The following TP63 variants were observed in gnomAD, a reference collection of about 807,000 sequenced individuals.
TP63 encodes tumor protein 63.
A neutral mutation model predicts 82.8 loss-of-function variants in TP63; 17 were observed. The observed-to-expected ratio is 0.21, with a 90% confidence interval of 0.14 to 0.31. The LOEUF (loss-of-function observed/expected upper bound fraction) is 0.31. TP63 is among the 10% of genes least tolerant of loss of function. The pLI is 1.00. For synonymous variants in TP63, 330 were observed against 321.7 expected (o/e 1.03, Z -0.28); for missense variants, 648 against 895.3 (o/e 0.72, Z 3.52).
intron 3 of TP63, among the ~76,000 whole-genome samples, chr3:189,769,152 GT>G (rs1576913270): frequency 6.6e-6 from 1 of 152,212 alleles, no homozygotes; most frequent in East Asian, 1.9e-4. Context: ...CTTAAAAAGT[GT>G]TTAACAAATG....
intron 1 of TP63, among the ~76,000 whole-genome samples, chr3:189,655,276 C>T (rs1436561419): frequency 6.6e-6 from 1 of 152,086 alleles, no homozygotes; most frequent in Non-Finnish European, 1.5e-5. Context: ...CTGGACAAAT[C>T]AATAACTTTT....
At chr3:189,618,442 C>A in the TP63 span, among the ~76,000 whole-genome samples, 1 of 152,168 alleles carries the variant, frequency 6.6e-6, no homozygotes, top group Non-Finnish European at 1.5e-5. Flanking sequence ...ATGCCATATT[C>A]TATCAACCAT....
At chr3:189,850,116 T>A (rs1487593807) in intron 4 of TP63, among the ~76,000 whole-genome samples, 2 of 152,108 alleles carry the variant, frequency 1.3e-5, no homozygotes, top group Admixed American at 1.3e-4. Context: ...ACGCTGTCTC[T>A]ACTAAAAATA....
At chr3:189,861,441 A>C (rs1717027159) in intron 4 of TP63, among the ~76,000 whole-genome samples, 1 of 143,662 alleles carries the variant, frequency 7.0e-6, no homozygotes, top group African/African-American at 2.6e-5. Context: ...GTGGGGGTGG[A>C]GGGGTAGGGG....
At chr3:189,672,273 T>C (rs905479610) in intron 1 of TP63, among the ~76,000 whole-genome samples, 12 of 151,982 alleles carry the variant, frequency 7.9e-5, no homozygotes, top group Non-Finnish European at 1.8e-4. Context: ...GGAAAAAAAG[T>C]TTTAAAATAA....
chr3:189,631,288 T>C (rs79178017), upstream of TP63: 22,626 of 1,343,556 alleles, frequency 0.017, 261 homozygotes, highest in East Asian at 0.044. Context: ...AAGAATCGAG[T>C]GTTTATGAAG....
intron 4 of TP63, among the ~76,000 whole-genome samples, chr3:189,840,110 A>G (rs964093546): frequency 9.8e-5 from 15 of 152,342 alleles, no homozygotes; most frequent in African/African-American, 3.6e-4. Context: ...TGTGTTTTAT[A>G]CATCAAGCGT....
At chr3:189,860,207 T>A (rs894144345) in intron 4 of TP63, among the ~76,000 whole-genome samples, 2 of 152,070 alleles carry the variant, frequency 1.3e-5, no homozygotes, top group Non-Finnish European at 2.9e-5. Context: ...GAGGAGCAAT[T>A]TAGACGTGAA....
At chr3:189,695,418 A>G (rs1701044689) in intron 1 of TP63, among the ~76,000 whole-genome samples, 1 of 152,070 alleles carries the variant, frequency 6.6e-6, no homozygotes, top group Admixed American at 6.6e-5. Context: ...CTCATCTTAT[A>G]TATGTCCTGC....
chr3:189,821,273 T>C (rs775467850), intron 4 of TP63, among the ~76,000 whole-genome samples: 1 of 152,250 alleles, frequency 6.6e-6, no homozygotes, highest in Non-Finnish European at 1.5e-5. Flanking sequence ...TCTTTTATTA[T>C]GGTTACTTTT....
chr3:189,624,929 A>C, the TP63 span, among the ~76,000 whole-genome samples: 6,077 of 152,280 alleles, frequency 0.04, 150 homozygotes, highest in Middle Eastern at 0.061. Context: ...ATGTAACTGC[A>C]AAACACATTA....
In TP63 at chr3:189,722,885, G is replaced by A. The variant is rs116439090; in HGVS notation, c.63-14855G>A. 5.4e-3 allele frequency among the ~76,000 whole-genome samples: 817 copies of A among 152,340 alleles called. 9 individuals are homozygous for A. The highest frequency in any genetic ancestry group is 0.018 in the African/African-American group (737 of 41,580). On this transcript the variant is annotated intron_variant, in intron 1 of 13. Transcript: ENST00000264731. Reference sequence around the variant, plus strand: ...TTGTCTATTTGAGGACAGATATTTAGAGAAAATGCAGACTTATTAAAGTGC... The same window carrying A: ...TTGTCTATTTGAGGACAGATATTTAAAGAAAATGCAGACTTATTAAAGTGC...
chr3:189,837,170 T>C (rs1157355563), intron 4 of TP63, among the ~76,000 whole-genome samples: 1 of 152,044 alleles, frequency 6.6e-6, no homozygotes, highest in Non-Finnish European at 1.5e-5. Context: ...TTTTCCCTTC[T>C]GCATGCCCTG....
At chr3:189,749,104 A>G (rs1396321866) in intron 3 of TP63, among the ~76,000 whole-genome samples, 1 of 152,274 alleles carries the variant, frequency 6.6e-6, no homozygotes, top group South Asian at 2.1e-4. Flanking sequence ...ACTTCAGAAC[A>G]TTGGTCTAGG....
intron 3 of TP63, among the ~76,000 whole-genome samples, chr3:189,774,248 A>G (rs189873110): frequency 1.8e-4 from 28 of 152,272 alleles, no homozygotes; most frequent in Non-Finnish European, 3.5e-4. Flanking sequence ...AGATCAGAAA[A>G]TATTGCTGAA....
chr3:189,670,923 T>C (rs1312632293), intron 1 of TP63, among the ~76,000 whole-genome samples: 3 of 152,010 alleles, frequency 2.0e-5, no homozygotes, highest in Admixed American at 1.3e-4. Flanking sequence ...TACAAAATGA[T>C]AAATCTACCA....
At chr3:189,864,199 C>G in intron 4 of TP63, 33 bp from the exon 5 acceptor site, 11 of 1,610,526 alleles carry the variant, frequency 6.8e-6, no homozygotes, top group African/African-American at 1.3e-5. Context: ...TGGTTCTCTC[C>G]TTCCTTTCTC....
At chr3:189,842,331 A>G (rs576101580) in intron 4 of TP63, among the ~76,000 whole-genome samples, 1 of 152,336 alleles carries the variant, frequency 6.6e-6, no homozygotes, top group East Asian at 1.9e-4. Context: ...GAAGAGGTAC[A>G]GGAATGTTTT....
chr3:189,682,551 AAAATATATATATATATATATATAT>A (rs869097357), intron 1 of TP63, among the ~76,000 whole-genome samples: 10,099 of 30,808 alleles, frequency 0.33, 720 homozygotes, highest in South Asian at 0.47. Context: ...AAAAAAAAAA[AAAATATATATATATATATATATAT>A]ATATATATAT....
Sources: allele counts gnomAD v4.1 joint callset (sites outside exome capture counted in the v4.1 genomes callset), GRCh38; gene constraint gnomAD v4.1.1; transcripts MANE v1.5; gene names NCBI Gene and HGNC (gene_info 2026-07-23, HGNC 2026-07-21).